The following ZC3H12D variants were observed in gnomAD, a reference collection of about 807,000 sequenced individuals.
ZC3H12D encodes probable ribonuclease ZC3H12D.
In ZC3H12D, 11 loss-of-function variants were observed where a neutral mutation model predicts 24.2. The observed-to-expected ratio is 0.46, with a 90% CI of 0.29 to 0.75. The LOEUF (loss-of-function observed/expected upper bound fraction) is 0.75, where lower values mean the gene tolerates loss of function less well. ZC3H12D is among the 30% of genes least tolerant of loss of function. The pLI is 0.11. For missense variants in ZC3H12D, 740 were observed against 767.7 expected, an observed-to-expected ratio of 0.96 and a Z score of 0.43; for synonymous variants, 333 against 341.8, an observed-to-expected ratio of 0.97 and a Z score of 0.28.
intron 4 of ZC3H12D, among the ~76,000 whole-genome samples, chr6:149,454,871 G>A (rs1775955460): frequency 6.6e-6 from 1 of 152,230 alleles, no homozygotes; most frequent in Non-Finnish European, 1.5e-5. Context: ...GACAATGGGG[G>A]CTCCTGCAGG....
chr6:149,475,487 G>A (rs769540921), intron 1 of ZC3H12D, among the ~76,000 whole-genome samples: 49 of 152,234 alleles, frequency 3.2e-4, no homozygotes, highest in Non-Finnish European at 2.8e-4. Context: ...GGAGGCTGAG[G>A]CGGGCAGATC....
Position 149,474,356 on chromosome 6 carries a change from G to T in ZC3H12D, c.188C>A (p.Ser63Tyr), listed in dbSNP as rs774388380. ...PAAPRLVPRG[S>Y]CGVPDSAQRG... ...CTGGGCAGAGTCCGGGACCCCACAGGAGCCCCGAGGCACTAGCCTGGGTGC... is the reference window on the plus strand; with the variant it reads ...CTGGGCAGAGTCCGGGACCCCACAGTAGCCCCGAGGCACTAGCCTGGGTGC... Residue 63 changes from serine to tyrosine, a missense_variant, in exon 2 of 6, where the codon TCC becomes TAC. Coordinates refer to ENST00000409806, the MANE Select transcript of ZC3H12D (RefSeq NM_207360.3). 6.2e-7 allele frequency: 1 copy of T among 1,606,782 alleles called. No individual in the cohort carries two copies. The highest frequency in any genetic ancestry group is 8.5e-7 in the Non-Finnish European group (1 of 1,175,094).
rs1775820098 is a variant in ZC3H12D, at chr6:149,448,267, G to A, written c.*2416C>T. On this transcript the variant is annotated 3_prime_UTR_variant, in exon 6 of 6. Transcript: ENST00000409806. ...AGATTGCGCCACTGCACTCCAGCCTGGGTGACAGAGCGAGACTCCGTTTCA... is the reference window on the plus strand; with the variant it reads ...AGATTGCGCCACTGCACTCCAGCCTAGGTGACAGAGCGAGACTCCGTTTCA... 6.6e-6 allele frequency: 1 copy of A among 152,036 alleles called. No homozygotes were observed. Among genetic ancestry groups the A allele is most frequent in the Non-Finnish European group, 1.5e-5 (1 of 68,040 alleles). The allele number at this position is 152,036 out of a possible 1,614,324, so 9.4% of individuals were successfully genotyped here. A position where few individuals can be genotyped will look rare whatever the true frequency, so the allele number is the denominator to read the frequency against.
At chr6:149,451,571 C>T (rs968423859) in intron 5 of ZC3H12D, 92 bp from the exon 6 acceptor site, 39 of 1,160,098 alleles carry the variant, frequency 3.4e-5, no homozygotes, top group African/African-American at 1.6e-5. Flanking sequence ...TGCCGGCCCG[C>T]GGCCTCTCCG....
chr6:149,466,421 C>A (rs1776163532), intron 2 of ZC3H12D, among the ~76,000 whole-genome samples: 1 of 151,992 alleles, frequency 6.6e-6, no homozygotes, highest in Non-Finnish European at 1.5e-5. Flanking sequence ...TCGTGCCTGT[C>A]ATAGAAAATG....
At chr6:149,466,607 G>C (rs1776166683) in intron 2 of ZC3H12D, among the ~76,000 whole-genome samples, 1 of 152,188 alleles carries the variant, frequency 6.6e-6, no homozygotes, top group South Asian at 2.1e-4. Context: ...GCTGGGTGCT[G>C]TGGCTCACGC....
In ZC3H12D at chr6:149,451,008, C is replaced by A; in HGVS notation, c.1259G>T (p.Arg420Met). 6.8e-7 allele frequency: 1 copy of A among 1,475,262 alleles called. No homozygotes were observed. Among genetic ancestry groups the A allele is most frequent in the Admixed American group, 2.4e-5 (1 of 41,296 alleles). 91.4% of individuals were successfully genotyped at this position (1,475,262 alleles called of 1,614,324 possible). A position where few individuals can be genotyped will look rare whatever the true frequency, so the allele number is the denominator to read the frequency against. The change falls in exon 6 of 6, where the codon AGG (arginine) becomes ATG (methionine). Residue 420 changes from arginine (R) to methionine (M), a missense_variant. By Grantham distance (91) the Arg-to-Met change is moderately conservative. Coordinates refer to ENST00000409806, the MANE Select transcript of ZC3H12D (RefSeq NM_207360.3). ...GGAAAGCAAGTCGCCGTGCAGGTCC[C>A]TAGGGCGGTGTTCGCCCCGCGGCTG... The part of the protein sequence containing the change: ...QLQPRGEHRP[R>M]DLHGDLLSPR...
Position 149,456,622 on chromosome 6 carries a change from C to CCCCCCCCCCCCCCCCCCGGGGTCAGG in ZC3H12D, c.680+43_680+44insCCTGACCCCGGGGGGGGGGGGGGGGG. The CCCCCCCCCCCCCCCCCCGGGGTCAGG allele has an allele frequency of 1.5e-6, 2 of 1,314,352 alleles. No individual in the cohort carries two copies. Among genetic ancestry groups the CCCCCCCCCCCCCCCCCCGGGGTCAGG allele is most frequent in the Non-Finnish European group, 1.1e-6 (1 of 921,304 alleles). 81.4% of individuals were successfully genotyped at this position (1,314,352 alleles called of 1,614,324 possible). ...GGCCACTGCCTCGACCCCGGCCCCC[C>CCCCCCCCCCCCCCCCCCGGGGTCAGG]GCCCCGCCGCCCCCCAGGGTGTCAG... On this transcript the variant is annotated intron_variant, in intron 4 of 5. Coordinates refer to ENST00000409806, the MANE Select transcript of ZC3H12D (RefSeq NM_207360.3). This position sits in a 1 kb window ranked among gnomAD's most constrained non-coding sequence, Gnocchi z 4.3.
At chr6:149,462,021 A>C in intron 2 of ZC3H12D, 51 bp from the exon 3 acceptor site, 1 of 1,573,560 alleles carries the variant, frequency 6.4e-7, no homozygotes, top group East Asian at 2.3e-5. Flanking sequence ...TGTTCCTAAG[A>C]GTGATTTCCC....
In ZC3H12D at chr6:149,452,495, G is replaced by T. The variant is rs529743034; in HGVS notation, c.787+121C>A. 17 of 763,078 alleles carry T rather than the reference G, an allele frequency of 2.2e-5. No homozygotes were observed. In the East Asian group the frequency reaches 4.0e-4, roughly 18 times the overall value. The allele number at this position is 763,078 out of a possible 1,614,324, so 47.3% of individuals were successfully genotyped here. A position where few individuals can be genotyped will look rare whatever the true frequency, so the allele number is the denominator to read the frequency against. ...AACTCTCCAGGTAGCACAGCTGGAG[G>T]GCAGAACTTGGGCAAGAGCCCAGGC... On this transcript the variant is annotated intron_variant, in intron 5 of 5. Transcript: ENST00000409806. The surrounding 1 kb of genome is among the most constrained non-coding windows in gnomAD (Gnocchi z 4.0).
chr6:149,470,753 C>T (rs2115010185), intron 2 of ZC3H12D, among the ~76,000 whole-genome samples: 1 of 152,278 alleles, frequency 6.6e-6, no homozygotes, highest in East Asian at 1.9e-4. Context: ...CCACTTGCCA[C>T]ACCTGGCTAT....
intron 3 of ZC3H12D, among the ~76,000 whole-genome samples, chr6:149,460,011 C>A (rs1776046881): frequency 6.6e-6 from 1 of 152,242 alleles, no homozygotes; most frequent in African/African-American, 2.4e-5. Flanking sequence ...TTCCTATCAT[C>A]ATAGCCATCC....
chr6:149,481,970 A>G (rs1351688367), intron 1 of ZC3H12D, among the ~76,000 whole-genome samples: 3 of 152,234 alleles, frequency 2.0e-5, no homozygotes, highest in Non-Finnish European at 4.4e-5. Flanking sequence ...TGACAGAAAC[A>G]TGAGCGTTTC....
chr6:149,458,930 A>C (rs1435812315), intron 3 of ZC3H12D, among the ~76,000 whole-genome samples: 5 of 152,196 alleles, frequency 3.3e-5, no homozygotes, highest in Non-Finnish European at 2.9e-5. Context: ...GCTTTAGCCC[A>C]TCTTTCTGTT....
At chr6:149,480,321 AAAC>A (rs1776404705) in intron 1 of ZC3H12D, among the ~76,000 whole-genome samples, 1 of 152,258 alleles carries the variant, frequency 6.6e-6, no homozygotes, top group Admixed American at 6.5e-5. Flanking sequence ...CAGACATAAA[AAAC>A]AAAATCATGT....
Position 149,456,513 on chromosome 6 carries a change from G to A in ZC3H12D, c.680+153C>T, listed in dbSNP as rs1294962109. 3.0e-6 allele frequency: 2 copies of A among 666,522 alleles called. No individual in the cohort carries two copies. The highest frequency in any genetic ancestry group is 2.7e-5 in the East Asian group (1 of 36,574). 41.3% of individuals were successfully genotyped at this position (666,522 alleles called of 1,614,324 possible). A position where few individuals can be genotyped will look rare whatever the true frequency, so the allele number is the denominator to read the frequency against. On this transcript the variant is annotated intron_variant, in intron 4 of 5. Transcript: ENST00000409806. This position sits in a 1 kb window ranked among gnomAD's most constrained non-coding sequence, Gnocchi z 4.3. ...CAGCCCACCTATTGGGGACGTGCCC[G>A]CCGAGAATGCGGACCTGGGGGAGCT...
chr6:149,465,453 G>A (rs1776139414), intron 2 of ZC3H12D, among the ~76,000 whole-genome samples: 1 of 151,624 alleles, frequency 6.6e-6, no homozygotes, highest in Non-Finnish European at 1.5e-5. Context: ...AGGGATATCT[G>A]TGGTCAAAAG....
At chr6:149,479,953 G>A (rs1225870632) in intron 1 of ZC3H12D, among the ~76,000 whole-genome samples, 3 of 152,012 alleles carry the variant, frequency 2.0e-5, no homozygotes, top group Non-Finnish European at 4.4e-5. Flanking sequence ...AAGAAATCTC[G>A]AAGTCCCCTT....
chr6:149,478,729 T>C (rs1347427086), intron 1 of ZC3H12D, among the ~76,000 whole-genome samples: 1 of 152,074 alleles, frequency 6.6e-6, no homozygotes, highest in Non-Finnish European at 1.5e-5. Flanking sequence ...GAACATCCAG[T>C]GTCTTTACTC....
Sources: allele counts gnomAD v4.1 joint callset (sites outside exome capture counted in the v4.1 genomes callset), GRCh38; gene constraint gnomAD v4.1.1; non-coding constraint Gnocchi (gnomAD v3.1); transcripts MANE v1.5; gene names NCBI Gene and HGNC (gene_info 2026-07-23, HGNC 2026-07-21).